The following MGAT3 variants were observed in gnomAD, a reference collection of about 807,000 sequenced individuals.
MGAT3 encodes the protein GlcNAc-T III.
In MGAT3, 9 loss-of-function variants were observed where a neutral mutation model predicts 29.8. The ratio of observed to expected loss-of-function variants is 0.30; its 90% CI spans 0.18 to 0.53. MGAT3 has a LOEUF of 0.53. MGAT3 is among the 20% of genes least tolerant of loss of function. MGAT3 has a pLI of 0.96. For missense variants in MGAT3, 557 were observed against 769.5 expected (o/e 0.72, Z 3.27); for synonymous variants, 397 against 348.9 (o/e 1.14, Z -1.54).
chr22:39,487,342 C>T lies in MGAT3; in HGVS notation c.-1-5C>T, dbSNP rs769771297. The T allele has an allele frequency of 5.6e-6, 9 of 1,609,230 alleles. No individual in the cohort carries two copies. The highest frequency in any genetic ancestry group is 1.3e-5 in the African/African-American group (1 of 74,704). On this transcript the variant is annotated splice_polypyrimidine_tract_variant and splice_region_variant and intron_variant, in intron 1 of 1. Coordinates refer to ENST00000341184, the MANE Select transcript of MGAT3 (RefSeq NM_002409.5). This position sits in a 1 kb window ranked among gnomAD's most constrained non-coding sequence, Gnocchi z 5.7. ...ATGAGTCTCCTGTCTCTCTCTCTCCCGCAGGATGAAGATGAGACGCTACAA... is the reference window on the plus strand; with the variant it reads ...ATGAGTCTCCTGTCTCTCTCTCTCCTGCAGGATGAAGATGAGACGCTACAA...
intron 1 of MGAT3, among the ~76,000 whole-genome samples, chr22:39,483,893 G>A (rs1298118097): frequency 2.0e-5 from 3 of 152,218 alleles, no homozygotes; most frequent in South Asian, 2.1e-4. Flanking sequence ...TGCCCACTCC[G>A]TGTGGACAGC....
intron 1 of MGAT3, among the ~76,000 whole-genome samples, chr22:39,483,959 C>T (rs1178103032): frequency 1.3e-5 from 2 of 152,190 alleles, no homozygotes; most frequent in Non-Finnish European, 2.9e-5. Flanking sequence ...ATGGGGCAAA[C>T]GCTGCCCTGA....
rs200646819 is a variant in MGAT3, at chr22:39,488,595, C to G, written c.1248C>G (p.Gly416=). 1.7e-5 allele frequency: 27 copies of G among 1,613,142 alleles called. No individual in the cohort carries two copies. The highest frequency in any genetic ancestry group is 2.3e-5 in the Non-Finnish European group (27 of 1,180,018). Reference sequence around the variant, plus strand: ...TGGGCAGCCCCCTGCACTTCGCCGGCTGGCACTGCTCCTGGTGCTTCACGC... The same window carrying G: ...TGGGCAGCCCCCTGCACTTCGCCGGGTGGCACTGCTCCTGGTGCTTCACGC... ...WSLGSPLHFA[G]WHCSWCFTPE... The change falls in exon 2 of 2, where the codon GGC becomes GGG. Residue 416 remains glycine, a synonymous_variant. Coordinates refer to ENST00000341184, the MANE Select transcript of MGAT3 (RefSeq NM_002409.5).
intron 1 of MGAT3, among the ~76,000 whole-genome samples, chr22:39,472,165 A>G (rs1279192722): frequency 1.3e-5 from 2 of 151,990 alleles, no homozygotes; most frequent in Non-Finnish European, 2.9e-5. Flanking sequence ...CAGCAGTACA[A>G]TAGCTGTCTG....
At chr22:39,466,613 C>T (rs1333983218) in intron 1 of MGAT3, among the ~76,000 whole-genome samples, 1 of 152,194 alleles carries the variant, frequency 6.6e-6, no homozygotes, top group African/African-American at 2.4e-5. Flanking sequence ...CCTTCCAGCC[C>T]AGCTGCTGCC....
rs1490136963 is a variant in MGAT3 at position 39,488,463 on chromosome 22, A to T, written c.1116A>T (p.Ala372=). The change falls in exon 2 of 2, where the codon GCA becomes GCT. Residue 372 remains alanine, a synonymous_variant. Transcript: ENST00000341184. The stretch of plus-strand genomic sequence containing the variant: ...GCTGCACGGTGGACATGCTGCAGGC[A>T]GTGTATGGGCTGGACGGCATCCGCC... ...VSGCTVDMLQ[A]VYGLDGIRLR... 1 of 1,612,802 alleles carries T rather than the reference A, an allele frequency of 6.2e-7. No individual in the cohort carries two copies. Among genetic ancestry groups the T allele is most frequent in the Admixed American group, 1.7e-5 (1 of 60,014 alleles).
intron 1 of MGAT3, among the ~76,000 whole-genome samples, chr22:39,475,532 AATGCTCTATGAGCC>A (rs1928933741): frequency 1.3e-5 from 2 of 152,050 alleles, no homozygotes; most frequent in Non-Finnish European, 2.9e-5. Context: ...GTAGTTAACC[AATGCTCTATGAGCC>A]TCTCTCAGCC....
chr22:39,471,294 C>T (rs1007766395), intron 1 of MGAT3, among the ~76,000 whole-genome samples: 5 of 152,050 alleles, frequency 3.3e-5, no homozygotes, highest in South Asian at 2.1e-4. Flanking sequence ...GCTGAAAGCC[C>T]GAAGTATGGG....
chr22:39,477,899 G>A (rs1170544142), intron 1 of MGAT3, among the ~76,000 whole-genome samples: 1 of 152,230 alleles, frequency 6.6e-6, no homozygotes, highest in East Asian at 1.9e-4. Flanking sequence ...GACAGAAACG[G>A]TTATACCTCC....
intron 1 of MGAT3, among the ~76,000 whole-genome samples, chr22:39,473,870 T>C (rs1166405388): frequency 6.6e-6 from 1 of 151,278 alleles, no homozygotes; most frequent in African/African-American, 2.4e-5. Flanking sequence ...GATGGAGGTG[T>C]GTGGGCAGGG....
chr22:39,466,730 C>T (rs950898962), intron 1 of MGAT3, among the ~76,000 whole-genome samples: 5 of 152,250 alleles, frequency 3.3e-5, no homozygotes, highest in Admixed American at 6.5e-5. Flanking sequence ...GCCCAGCGGG[C>T]GTGGTCATCC....
Position 39,460,329 on chromosome 22 carries a change from C to T in MGAT3, c.-2+2772C>T, listed in dbSNP as rs192205089. Among the ~76,000 whole-genome samples, 216 of 152,246 alleles carry T rather than the reference C, an allele frequency of 1.4e-3. 1 individual carries two copies. The highest frequency in any genetic ancestry group is 3.4e-3 in the Middle Eastern group (1 of 294). ...TAGAATCCATTGGGGAGCAGATACC[C>T]CTGGCACCGATGCTCCACCTAGCCC... On this transcript the variant is annotated intron_variant, in intron 1 of 1. Coordinates refer to ENST00000341184, the MANE Select transcript of MGAT3 (RefSeq NM_002409.5).
At chr22:39,459,083 T>TTCTTTTC (rs1568997696) in intron 1 of MGAT3, among the ~76,000 whole-genome samples, 3,226 of 146,978 alleles carry the variant, frequency 0.022, 123 homozygotes, top group African/African-American at 0.078. Context: ...TTTTTTTTTT[T>TTCTTTTC]TTTTTTTTGA....
chr22:39,472,050 C>T (rs533128085), intron 1 of MGAT3, among the ~76,000 whole-genome samples: 32 of 152,222 alleles, frequency 2.1e-4, no homozygotes, highest in Admixed American at 3.9e-4. Context: ...CTGGGCTCAG[C>T]CTCCTTCCAG....
chr22:39,467,799 G>T (rs374614267), intron 1 of MGAT3, among the ~76,000 whole-genome samples: 7 of 144,054 alleles, frequency 4.9e-5, no homozygotes, highest in African/African-American at 1.8e-4. Flanking sequence ...TGGCAATCTC[G>T]GCTCAGTCTC....
At chr22:39,459,492 C>G (rs920470793) in intron 1 of MGAT3, among the ~76,000 whole-genome samples, 5 of 152,126 alleles carry the variant, frequency 3.3e-5, no homozygotes, top group African/African-American at 7.2e-5. Flanking sequence ...GAGACAGGGT[C>G]TCACTCTGTG....
In MGAT3 at chr22:39,487,614, G is replaced by A. The variant is rs1929314971; in HGVS notation, c.267G>A (p.Ala89=). 1.9e-6 allele frequency: 3 copies of A among 1,611,694 alleles called. No homozygotes were observed. The highest frequency in any genetic ancestry group is 2.5e-6 in the Non-Finnish European group (3 of 1,179,308). The part of the protein sequence containing the change: ...PLLQPLPPSK[A]AEELHRVDLV... ...TGCAGCCGCTGCCGCCCAGCAAGGC[G>A]GCCGAGGAGCTCCACCGGGTGGACT... Residue 89 remains alanine, a synonymous_variant, in exon 2 of 2, where the codon GCG becomes GCA. Coordinates refer to ENST00000341184, the MANE Select transcript of MGAT3 (RefSeq NM_002409.5). The surrounding 1 kb of genome is among the most constrained non-coding windows in gnomAD (Gnocchi z 5.7).
chr22:39,462,359 G>A (rs1178244758), intron 1 of MGAT3, among the ~76,000 whole-genome samples: 1 of 152,242 alleles, frequency 6.6e-6, no homozygotes, highest in Non-Finnish European at 1.5e-5. Context: ...CAGGTACTGA[G>A]GAGGCCCTCA....
chr22:39,458,322 G>A (rs1448006123), intron 1 of MGAT3, among the ~76,000 whole-genome samples: 2 of 152,098 alleles, frequency 1.3e-5, no homozygotes, highest in African/African-American at 4.8e-5. Context: ...CTAGTGGTCT[G>A]AGGTCGGATG....
Sources: gnomAD v4.1 joint callset for allele counts (sites outside exome capture counted in the v4.1 genomes callset) on GRCh38, gnomAD v4.1.1 for gene constraint, Gnocchi (gnomAD v3.1) non-coding constraint, MANE v1.5 for transcripts, NCBI Gene and HGNC (gene_info 2026-07-23, HGNC 2026-07-21) for gene names.